The following CFAP299 variants were observed in gnomAD, a reference collection of about 807,000 sequenced individuals.
The protein encoded by CFAP299 is cilia- and flagella-associated protein 299.
A neutral mutation model predicts 27.0 loss-of-function variants in CFAP299; 21 were observed. That is an observed-to-expected ratio of 0.78 (90% CI 0.55 to 1.12). The LOEUF is 1.12. Among genes scored for constraint, CFAP299 ranks in the 50% most tolerant of loss-of-function variants. CFAP299 has a pLI of 0.00. For missense variants in CFAP299, 310 were observed against 276.6 expected (o/e 1.12, Z -0.86); for synonymous variants, 104 against 98.1 (o/e 1.06, Z -0.36).
chr4:80,830,378 A>G (rs959742135), intron 3 of CFAP299, among the ~76,000 whole-genome samples: 2 of 152,126 alleles, frequency 1.3e-5, no homozygotes, highest in Non-Finnish European at 2.9e-5. Context: ...ATAATCTTCC[A>G]GAGGAAGTAC....
At chr4:80,327,693 TATATATATA>T in the CFAP299 span, among the ~76,000 whole-genome samples, 10 of 24,934 alleles carry the variant, frequency 4.0e-4, no homozygotes, top group South Asian at 2.1e-3. Flanking sequence ...AGAGAAGTTA[TATATATATA>T]TATATATATA....
intron 5 of CFAP299, among the ~76,000 whole-genome samples, chr4:80,955,974 A>G (rs988959605): frequency 6.6e-6 from 1 of 152,200 alleles, no homozygotes; most frequent in Admixed American, 6.5e-5. Context: ...ACTACACTCC[A>G]GCCTGGGGGA....
At chr4:80,676,486 G>A (rs2110000185) in intron 3 of CFAP299, among the ~76,000 whole-genome samples, 1 of 152,216 alleles carries the variant, frequency 6.6e-6, no homozygotes, top group Admixed American at 6.5e-5. Context: ...AAGTTTAGAG[G>A]TATTCCCTCC....
In CFAP299 at chr4:80,488,666, C is replaced by T. The variant is rs530993992; in HGVS notation, c.243-94427C>T. On this transcript the variant is annotated intron_variant, in intron 2 of 5. Transcript: ENST00000358105. ...TTTGTTTTTGTATTCTTAATAGAGA[C>T]GGGGTTTCACCGTGTTAGCCAGGAT... is the stretch of plus-strand genomic sequence containing the variant. Among the ~76,000 whole-genome samples, 284 of 152,172 alleles carry T rather than the reference C, an allele frequency of 1.9e-3. 1 individual carries two copies. The highest frequency in any genetic ancestry group is 3.4e-3 in the Non-Finnish European group (234 of 67,984).
At chr4:80,732,510 A>G (rs541821952) in intron 3 of CFAP299, among the ~76,000 whole-genome samples, 2 of 152,312 alleles carry the variant, frequency 1.3e-5, no homozygotes, top group South Asian at 2.1e-4. Context: ...TTTGAATAGT[A>G]CATTCTATTC....
In CFAP299 at chr4:80,734,409, T is replaced by A. The variant is rs1241528912; in HGVS notation, c.334-135584T>A. On this transcript the variant is annotated intron_variant, in intron 3 of 5. Coordinates refer to ENST00000358105, the MANE Select transcript of CFAP299 (RefSeq NM_152770.3). ...ATTTTGCAAATGGGTTCTCTCATTCTGTGGGTTGTCTCTTCACTTTGTTGA... is the reference window on the plus strand; with the variant it reads ...ATTTTGCAAATGGGTTCTCTCATTCAGTGGGTTGTCTCTTCACTTTGTTGA... Among the ~76,000 whole-genome samples the A allele has an allele frequency of 2.0e-5, 3 of 152,306 alleles. No homozygotes were observed. In the East Asian group the frequency reaches 5.8e-4, roughly 29 times the overall value.
intron 3 of CFAP299, among the ~76,000 whole-genome samples, chr4:80,658,736 A>G (rs957214233): frequency 4.6e-5 from 7 of 152,252 alleles, no homozygotes; most frequent in Non-Finnish European, 2.9e-5. Flanking sequence ...TATCATAACC[A>G]TATCAATAGG....
intron 3 of CFAP299, among the ~76,000 whole-genome samples, chr4:80,587,991 C>T (rs1736536304): frequency 6.6e-6 from 1 of 151,116 alleles, no homozygotes; most frequent in Non-Finnish European, 1.5e-5. Flanking sequence ...TCATCTAAAA[C>T]CTGTTGTGGC....
At chr4:80,345,219 A>G (rs1251531125) in intron 1 of CFAP299, among the ~76,000 whole-genome samples, 1 of 152,190 alleles carries the variant, frequency 6.6e-6, no homozygotes, top group Non-Finnish European at 1.5e-5. Flanking sequence ...TGCAGATGAC[A>G]TGATCCTATA....
At chr4:80,598,642 A>G (rs1419502224) in intron 3 of CFAP299, among the ~76,000 whole-genome samples, 2 of 152,270 alleles carry the variant, frequency 1.3e-5, no homozygotes, top group East Asian at 3.9e-4. Flanking sequence ...TCAGGCATTC[A>G]ACATAGGCAG....
chr4:80,431,677 A>T (rs1304865142), intron 2 of CFAP299, among the ~76,000 whole-genome samples: 1 of 152,142 alleles, frequency 6.6e-6, no homozygotes, highest in African/African-American at 2.4e-5. Flanking sequence ...AGCTGTGTCT[A>T]GTCTTCCTGA....
rs940611264 is a variant in CFAP299, at chr4:80,882,550, A to T, written c.476+12415A>T. Among the ~76,000 whole-genome samples the T allele has an allele frequency of 4.6e-5, 7 of 152,182 alleles. No homozygotes were observed. In the East Asian group the frequency reaches 1.4e-3, roughly 30 times the overall value. On this transcript the variant is annotated intron_variant, in intron 4 of 5. Coordinates refer to ENST00000358105, the MANE Select transcript of CFAP299 (RefSeq NM_152770.3). Reference sequence around the variant, plus strand: ...CTACTCCGGAGGCTGAGGCAGGAGAATGGCGTGAACCCGGGAGGCGGAGCT... The same window carrying T: ...CTACTCCGGAGGCTGAGGCAGGAGATTGGCGTGAACCCGGGAGGCGGAGCT...
At chr4:80,368,748 A>G (rs549131480) in intron 2 of CFAP299, among the ~76,000 whole-genome samples, 2 of 152,326 alleles carry the variant, frequency 1.3e-5, no homozygotes, top group Admixed American at 6.5e-5. Context: ...TGAATATCAT[A>G]TACTTGAGAA....
chr4:80,371,585 T>C (rs1356230760), intron 2 of CFAP299, among the ~76,000 whole-genome samples: 1 of 152,226 alleles, frequency 6.6e-6, no homozygotes, highest in Non-Finnish European at 1.5e-5. Flanking sequence ...TCCTGAATGC[T>C]TTGTGCTTAG....
intron 3 of CFAP299, among the ~76,000 whole-genome samples, chr4:80,859,675 G>T (rs1409451577): frequency 6.6e-6 from 1 of 151,970 alleles, no homozygotes; most frequent in Non-Finnish European, 1.5e-5. Flanking sequence ...ATGAAGCTTA[G>T]TTTGGCTGGA....
chr4:80,502,236 A>T (rs1198645531), intron 2 of CFAP299, among the ~76,000 whole-genome samples: 2 of 152,106 alleles, frequency 1.3e-5, no homozygotes, highest in Non-Finnish European at 2.9e-5. Context: ...GGGAAAATCA[A>T]GTATTATGCT....
chr4:80,478,754 C>A (rs1353232272), intron 2 of CFAP299, among the ~76,000 whole-genome samples: 2 of 149,516 alleles, frequency 1.3e-5, no homozygotes, highest in Non-Finnish European at 3.0e-5. Flanking sequence ...AAATACTTTG[C>A]TGTGAAAGAC....
intron 2 of CFAP299, among the ~76,000 whole-genome samples, chr4:80,550,645 A>G (rs1423273383): frequency 6.6e-6 from 1 of 152,004 alleles, no homozygotes. Context: ...ATTCCCCACC[A>G]TTTTAATCCT....
chr4:80,874,633 A>G (rs149760212), intron 4 of CFAP299, among the ~76,000 whole-genome samples: 1 of 152,182 alleles, frequency 6.6e-6, no homozygotes, highest in Admixed American at 6.5e-5. Context: ...AGTTCCCTCC[A>G]ATTTCTTTAT....
Sources: allele counts gnomAD v4.1 joint callset (sites outside exome capture counted in the v4.1 genomes callset), GRCh38; gene constraint gnomAD v4.1.1; transcripts MANE v1.5; gene names NCBI Gene and HGNC (gene_info 2026-07-23, HGNC 2026-07-21).